The following AFG2A variants were observed in gnomAD, a reference collection of about 807,000 sequenced individuals.
AFG2A encodes ATPase family gene 2 protein homolog A.
At chr4:123,056,436 G>A in the AFG2A span, 1 of 1,612,552 alleles carries the variant, frequency 6.2e-7, no homozygotes, top group Non-Finnish European at 8.5e-7. Flanking sequence ...AGAGCAGTTA[G>A]AGAGGTAAGA....
chr4:122,968,445 A>G, the AFG2A span, among the ~76,000 whole-genome samples: 2 of 152,158 alleles, frequency 1.3e-5, no homozygotes, highest in Admixed American at 6.5e-5. Context: ...TCCCAGCCCT[A>G]CATGCTCACC....
chr4:123,306,067 A>T, the AFG2A span, among the ~76,000 whole-genome samples: 204 of 152,338 alleles, frequency 1.3e-3, no homozygotes, highest in Non-Finnish European at 2.4e-3. Context: ...TATTGTTGTT[A>T]TAAAGGAACT....
the AFG2A span, among the ~76,000 whole-genome samples, chr4:122,987,002 A>G: frequency 3.3e-5 from 5 of 152,152 alleles, no homozygotes; most frequent in Admixed American, 6.5e-5. Context: ...TAGATGCTCC[A>G]GTGTTCAGTG....
chr4:123,100,622 A>AC, the AFG2A span, among the ~76,000 whole-genome samples: 1 of 151,794 alleles, frequency 6.6e-6, no homozygotes, highest in South Asian at 2.1e-4. Flanking sequence ...TACCCTGAAT[A>AC]CCTTGCTTCT....
chr4:123,242,283 A>T, the AFG2A span, among the ~76,000 whole-genome samples: 2 of 152,212 alleles, frequency 1.3e-5, no homozygotes, highest in South Asian at 4.1e-4. Flanking sequence ...TGAAACCAAA[A>T]AGGAGCCCGC....
At chr4:123,307,923 T>C in the AFG2A span, among the ~76,000 whole-genome samples, 23 of 152,332 alleles carry the variant, frequency 1.5e-4, no homozygotes, top group African/African-American at 5.1e-4. Flanking sequence ...GCTATTACCA[T>C]CTAGATTTGT....
the AFG2A span, among the ~76,000 whole-genome samples, chr4:123,043,667 C>G: frequency 6.6e-6 from 1 of 152,032 alleles, no homozygotes; most frequent in African/African-American, 2.4e-5. Flanking sequence ...AATGGGTGCC[C>G]TTTAAAAATT....
chr4:123,212,930 A>C, the AFG2A span, among the ~76,000 whole-genome samples: 1 of 152,168 alleles, frequency 6.6e-6, no homozygotes, highest in South Asian at 2.1e-4. Flanking sequence ...CAATGCATAT[A>C]AAATAACACA....
chr4:123,286,220 C>A, the AFG2A span, among the ~76,000 whole-genome samples: 2 of 152,260 alleles, frequency 1.3e-5, no homozygotes, highest in South Asian at 4.2e-4. Context: ...AAGTTTGTAG[C>A]TGTCTCTTCA....
chr4:123,086,266 T>C, the AFG2A span, among the ~76,000 whole-genome samples: 1 of 152,150 alleles, frequency 6.6e-6, no homozygotes, highest in South Asian at 2.1e-4. Context: ...ATTTTCTCCT[T>C]CATTTTTGAA....
chr4:122,990,826 T>C, the AFG2A span, among the ~76,000 whole-genome samples: 2 of 152,238 alleles, frequency 1.3e-5, no homozygotes, highest in Non-Finnish European at 2.9e-5. Context: ...TGGCTTCAAA[T>C]GATCCTCCTG....
At chr4:123,006,695 G>C in the AFG2A span, among the ~76,000 whole-genome samples, 2 of 151,862 alleles carry the variant, frequency 1.3e-5, no homozygotes, top group African/African-American at 2.4e-5. Flanking sequence ...CTAGAAGTTT[G>C]ATTTTTATCT....
chr4:123,276,353 G>T, the AFG2A span, among the ~76,000 whole-genome samples: 1 of 151,550 alleles, frequency 6.6e-6, no homozygotes, highest in Admixed American at 6.6e-5. Flanking sequence ...GCTTGTAAAT[G>T]TAAGTTCCTT....
chr4:123,025,953 A>G, the AFG2A span, among the ~76,000 whole-genome samples: 1 of 152,188 alleles, frequency 6.6e-6, no homozygotes, highest in Non-Finnish European at 1.5e-5. Flanking sequence ...AATTTCAAGT[A>G]TTTTATACTT....
the AFG2A span, among the ~76,000 whole-genome samples, chr4:123,206,066 G>C: frequency 1.3e-5 from 2 of 152,090 alleles, no homozygotes; most frequent in Non-Finnish European, 2.9e-5. Context: ...TGCTTAAACA[G>C]TGGTTTCCTG....
chr4:122,934,059 A>AT, the AFG2A span: 2 of 1,510,522 alleles, frequency 1.3e-6, no homozygotes, highest in Non-Finnish European at 1.8e-6. Context: ...GGTAAAAAAA[A>AT]TTATGCTAAC....
chr4:123,280,057 T>C, the AFG2A span, among the ~76,000 whole-genome samples: 4 of 152,186 alleles, frequency 2.6e-5, no homozygotes, highest in African/African-American at 9.7e-5. Flanking sequence ...TAATATTTTC[T>C]TATGAGGTTT....
At chr4:123,221,884 G>A in the AFG2A span, among the ~76,000 whole-genome samples, 14 of 151,786 alleles carry the variant, frequency 9.2e-5, no homozygotes, top group Non-Finnish European at 1.6e-4. Flanking sequence ...CCAAAATTGC[G>A]CCACTGCATT....
At chr4:123,253,038 T>C in the AFG2A span, among the ~76,000 whole-genome samples, 1 of 152,330 alleles carries the variant, frequency 6.6e-6, no homozygotes, top group Non-Finnish European at 1.5e-5. Flanking sequence ...AATTTTACTA[T>C]TGTGAATAAA....
Sources: allele counts gnomAD v4.1 joint callset (sites outside exome capture counted in the v4.1 genomes callset), GRCh38; gene constraint gnomAD v4.1.1; transcripts MANE v1.5; gene names NCBI Gene and HGNC (gene_info 2026-07-23, HGNC 2026-07-21).